SYNPO: variants seen among roughly 807,000 people sequenced by gnomAD.
SYNPO encodes the protein synaptopodin.
In SYNPO, 19 loss-of-function variants were observed where a neutral mutation model predicts 49.5. The ratio of observed to expected loss-of-function variants is 0.38; its 90% CI spans 0.27 to 0.56. The LOEUF (loss-of-function observed/expected upper bound fraction) is 0.56. Among genes scored for constraint, SYNPO ranks in the 20% least tolerant of loss-of-function variants. The pLI is 0.68. For synonymous variants in SYNPO, 536 were observed against 548.0 expected (o/e 0.98, Z 0.31); for missense variants, 1,131 against 1,248.3 (o/e 0.91, Z 1.42).
At chr5:150,644,107 TGAG>T (rs1758006091) in intron 1 of SYNPO, among the ~76,000 whole-genome samples, 1 of 150,764 alleles carries the variant, frequency 6.6e-6, no homozygotes, top group Admixed American at 6.6e-5. Context: ...CCTGGAAGGT[TGAG>T]GCTACAGTGA....
intron 1 of SYNPO, among the ~76,000 whole-genome samples, chr5:150,613,963 G>A (rs1215589144): frequency 6.6e-6 from 1 of 152,166 alleles, no homozygotes; most frequent in Non-Finnish European, 1.5e-5. Flanking sequence ...TGGGGAATCA[G>A]AAGGAGGCTG....
rs1167860028 is a variant in SYNPO at position 150,650,065 on chromosome 5, A to G, written c.1790A>G (p.Asp597Gly). 1 of 1,613,120 alleles carries G rather than the reference A, an allele frequency of 6.2e-7. No homozygotes were observed. Among genetic ancestry groups the G allele is most frequent in the Non-Finnish European group, 8.5e-7 (1 of 1,179,952 alleles). The part of the protein sequence containing the change: ...AASPAKPSSL[D>G]LVPNLPKGAL... ...TCGCCCGCCAAGCCCAGCTCCTTGG[A>G]CCTGGTGCCCAACCTGCCCAAGGGG... is the stretch of plus-strand genomic sequence containing the variant. The change falls in exon 2 of 3, where the codon GAC (aspartate) becomes GGC (glycine). Residue 597 changes from aspartate to glycine, a missense_variant. Around this residue, in one of 4 missense-constraint regions of SYNPO, gnomAD observed 509 missense variants for 484.5 expected, o/e 1.05. Coordinates refer to ENST00000307662, the MANE Select transcript of SYNPO (RefSeq NM_007286.6).
At chr5:150,653,393 A>G (rs1256239286) in intron 2 of SYNPO, 2 of 152,216 alleles carry the variant, frequency 1.3e-5, no homozygotes, top group Non-Finnish European at 2.9e-5. Flanking sequence ...TGTTGGCCTC[A>G]GCATTCCCCT....
upstream of SYNPO, among the ~76,000 whole-genome samples, chr5:150,597,746 C>T (rs139548793): frequency 7.0e-3 from 1,069 of 152,320 alleles, 4 homozygotes; most frequent in Non-Finnish European, 8.4e-3. Context: ...TCAAGTGATT[C>T]TCCTGCCTCA....
At chr5:150,620,129 C>T (rs1247298605) in intron 2 of SYNPO, among the ~76,000 whole-genome samples, 1 of 152,190 alleles carries the variant, frequency 6.6e-6, no homozygotes, top group Non-Finnish European at 1.5e-5. Flanking sequence ...AATCCCTTCC[C>T]CTTGGTGAGC....
chr5:150,630,712 C>T (rs930191627), intron 2 of SYNPO, among the ~76,000 whole-genome samples: 5 of 152,146 alleles, frequency 3.3e-5, no homozygotes, highest in African/African-American at 1.2e-4. Context: ...TCCACCCTCT[C>T]CTCTCCCTCC....
At chr5:150,653,567 G>A (rs1252457385) in intron 2 of SYNPO, 1 of 152,196 alleles carries the variant, frequency 6.6e-6, no homozygotes, top group East Asian at 1.9e-4. Context: ...CCTGCTCAGG[G>A]TGGCACTGTG....
Position 150,628,461 on chromosome 5 carries a change from G to T in SYNPO, c.400+9694G>T, listed in dbSNP as rs1304018585. ...TGGCTGGCTGGGAGATCTTAACTAT[G>T]TTATGTAACCTCTCTGGGTTTTTGT... is the stretch of plus-strand genomic sequence containing the variant. On this transcript the variant is annotated intron_variant, in intron 2 of 2. Coordinates refer to the SYNPO transcript ENST00000394243. Among the ~76,000 whole-genome samples, 8 of 152,146 alleles carry T rather than the reference G, an allele frequency of 5.3e-5. No homozygotes were observed. In the East Asian group the frequency reaches 1.5e-3, roughly 29 times the overall value.
At chr5:150,642,960 G>T (rs147078230) in intron 1 of SYNPO, among the ~76,000 whole-genome samples, 1 of 152,322 alleles carries the variant, frequency 6.6e-6, no homozygotes, top group East Asian at 1.9e-4. Flanking sequence ...CCTGGTCTTG[G>T]GCTCACATCC....
the SYNPO span, among the ~76,000 whole-genome samples, chr5:150,587,486 T>A: frequency 1.3e-5 from 2 of 151,974 alleles, no homozygotes; most frequent in East Asian, 3.9e-4. Context: ...GGTGGATAAA[T>A]AGGCGGATGG....
chr5:150,595,241 A>G, the SYNPO span, among the ~76,000 whole-genome samples: 7 of 152,236 alleles, frequency 4.6e-5, no homozygotes, highest in Non-Finnish European at 1.0e-4. Context: ...GACATTTAGC[A>G]TGCGATGGCA....
chr5:150,641,666 G>T (rs1757915214), intron 1 of SYNPO, among the ~76,000 whole-genome samples: 1 of 152,192 alleles, frequency 6.6e-6, no homozygotes, highest in Non-Finnish European at 1.5e-5. Context: ...CGCCAAACAA[G>T]AACTGGGGTC....
chr5:150,643,951 G>C (rs1056301479), intron 1 of SYNPO, among the ~76,000 whole-genome samples: 2 of 152,152 alleles, frequency 1.3e-5, no homozygotes, highest in African/African-American at 4.8e-5. Context: ...GAGGTGGGTG[G>C]ATCACTTGAG....
chr5:150,651,466 C>A (rs937345927), intron 2 of SYNPO: 6 of 1,000,464 alleles, frequency 6.0e-6, no homozygotes, highest in Non-Finnish European at 7.2e-6. Context: ...CAAGACAGTC[C>A]CCTGGGAAGA....
chr5:150,593,752 G>T, the SYNPO span, among the ~76,000 whole-genome samples: 3 of 152,202 alleles, frequency 2.0e-5, no homozygotes, highest in African/African-American at 4.8e-5. Flanking sequence ...GAGCCACCAC[G>T]CCCGGGGTGT....
intron 1 of SYNPO, among the ~76,000 whole-genome samples, chr5:150,605,717 T>G (rs1756672529): frequency 6.6e-6 from 1 of 151,610 alleles, no homozygotes; most frequent in South Asian, 2.1e-4. Flanking sequence ...TCCCAGCAGC[T>G]CTGCAGACAG....
upstream of SYNPO, among the ~76,000 whole-genome samples, chr5:150,599,463 C>T (rs1756482930): frequency 6.6e-6 from 1 of 152,152 alleles, no homozygotes; most frequent in South Asian, 2.1e-4. Context: ...AATGCTGGGG[C>T]CAAGTACTGA....
chr5:150,651,999 G>A (rs1165345989), intron 2 of SYNPO: 8 of 1,000,458 alleles, frequency 8.0e-6, no homozygotes, highest in Admixed American at 6.1e-5. Flanking sequence ...GGGTTCCCCA[G>A]TGGGGCAAGG....
intron 1 of SYNPO, among the ~76,000 whole-genome samples, chr5:150,646,488 G>A (rs1758096785): frequency 6.6e-6 from 1 of 152,114 alleles, no homozygotes; most frequent in Admixed American, 6.5e-5. Context: ...GAGAGACTGA[G>A]GTGGGCGGAT....
Sources: gnomAD v4.1 joint callset for allele counts (sites outside exome capture counted in the v4.1 genomes callset) on GRCh38, gnomAD v4.1.1 for gene constraint, gnomAD v4.1.1 regional missense constraint, MANE v1.5 for transcripts, NCBI Gene and HGNC (gene_info 2026-07-23, HGNC 2026-07-21) for gene names.